Variants in SMYD3 observed in about 807,000 individuals in gnomAD.
SMYD3 encodes the protein SET and MYND domain containing 3.
SMYD3 carries 36 observed loss-of-function variants against 57.7 expected under a neutral mutation model. The observed-to-expected ratio is 0.62, with a 90% confidence interval of 0.48 to 0.82. SMYD3 has a LOEUF of 0.82. Among genes scored for constraint, SMYD3 ranks in the 40% least tolerant of loss-of-function variants. The pLI is 0.00. For missense variants in SMYD3, 515 were observed against 538.8 expected (o/e 0.96, Z 0.44); for synonymous variants, 211 against 195.0 (o/e 1.08, Z -0.68).
chr1:245,767,887 T>C (rs1176267034), intron 10 of SMYD3, among the ~76,000 whole-genome samples: 1 of 152,214 alleles, frequency 6.6e-6, no homozygotes, highest in Admixed American at 6.5e-5. Context: ...GAAGATATTT[T>C]ATCACAATAG....
At chr1:246,335,566 T>C in intron 2 of SMYD3, 92 bp from the exon 3 acceptor site, 1 of 915,708 alleles carries the variant, frequency 1.1e-6, no homozygotes, top group Non-Finnish European at 1.7e-6. Flanking sequence ...AAACATTAAA[T>C]TTTAATAGTC....
chr1:245,926,636 G>A (rs527725883), intron 7 of SMYD3, among the ~76,000 whole-genome samples: 3 of 152,344 alleles, frequency 2.0e-5, no homozygotes, highest in Non-Finnish European at 4.4e-5. Context: ...ACGGGAGAAT[G>A]ACTGGCAGCC....
chr1:246,183,078 C>T (rs1472442856), intron 5 of SMYD3, among the ~76,000 whole-genome samples: 1 of 152,024 alleles, frequency 6.6e-6, no homozygotes, highest in Non-Finnish European at 1.5e-5. Flanking sequence ...TATCTAAGGC[C>T]CCTTTAAATT....
intron 10 of SMYD3, among the ~76,000 whole-genome samples, chr1:245,796,472 T>A (rs1212988663): frequency 6.6e-6 from 1 of 152,122 alleles, no homozygotes; most frequent in Non-Finnish European, 1.5e-5. Context: ...TAAAGAACTG[T>A]CTATGATCAA....
chr1:246,092,635 C>A (rs2060842822), intron 5 of SMYD3, among the ~76,000 whole-genome samples: 1 of 152,102 alleles, frequency 6.6e-6, no homozygotes, highest in Non-Finnish European at 1.5e-5. Context: ...GACAAATGTA[C>A]AACCCAAAGC....
intron 1 of SMYD3, among the ~76,000 whole-genome samples, chr1:246,443,170 T>C (rs1263922231): frequency 1.3e-5 from 2 of 151,918 alleles, no homozygotes; most frequent in Non-Finnish European, 2.9e-5. Context: ...TTCCTCAACC[T>C]CCTCTTACCA....
chr1:246,165,091 C>T (rs778849554), intron 5 of SMYD3, among the ~76,000 whole-genome samples: 1 of 152,178 alleles, frequency 6.6e-6, no homozygotes, highest in Non-Finnish European at 1.5e-5. Flanking sequence ...CAGGGAAAAG[C>T]GTTCCCGAAA....
At chr1:246,461,733 C>A (rs374969318) in intron 1 of SMYD3, among the ~76,000 whole-genome samples, 513 of 122,640 alleles carry the variant, frequency 4.2e-3, no homozygotes, top group South Asian at 6.4e-3. Flanking sequence ...GACTCTGTCT[C>A]AAAAAAAAAA....
chr1:246,297,416 T>C (rs1480555260), intron 5 of SMYD3, among the ~76,000 whole-genome samples: 1 of 152,234 alleles, frequency 6.6e-6, no homozygotes, highest in Non-Finnish European at 1.5e-5. Context: ...AGTACGGTAG[T>C]AGAGGCAGCA....
chr1:246,403,366 C>T (rs2066805070), intron 1 of SMYD3, among the ~76,000 whole-genome samples: 1 of 152,034 alleles, frequency 6.6e-6, no homozygotes, highest in African/African-American at 2.4e-5. Flanking sequence ...GAAATGATGG[C>T]ACATGCCTGT....
At chr1:245,997,686 G>A (rs6693869) in intron 5 of SMYD3, among the ~76,000 whole-genome samples, 20,346 of 152,146 alleles carry the variant, frequency 0.13, 1,397 homozygotes, top group South Asian at 0.23. Flanking sequence ...ACCCACCATC[G>A]TGATTCCCAA....
At chr1:245,815,773 G>A (rs1389373618) in intron 10 of SMYD3, among the ~76,000 whole-genome samples, 1 of 152,206 alleles carries the variant, frequency 6.6e-6, no homozygotes, top group African/African-American at 2.4e-5. Context: ...ACCCCTAAGA[G>A]ACAGAAATGA....
chr1:246,110,763 C>T (rs1391735843), intron 5 of SMYD3, among the ~76,000 whole-genome samples: 1 of 152,216 alleles, frequency 6.6e-6, no homozygotes, highest in Non-Finnish European at 1.5e-5. Flanking sequence ...CATGGAGTTG[C>T]GCGCCTGCGC....
intron 1 of SMYD3, among the ~76,000 whole-genome samples, chr1:246,406,118 C>A (rs1026267195): frequency 6.6e-6 from 1 of 151,474 alleles, no homozygotes; most frequent in Admixed American, 6.6e-5. Flanking sequence ...ATAGAGACAG[C>A]GTTTTGCCAT....
chr1:246,229,586 T>C (rs1010795144), intron 5 of SMYD3, among the ~76,000 whole-genome samples: 4 of 152,216 alleles, frequency 2.6e-5, no homozygotes, highest in Non-Finnish European at 5.9e-5. Flanking sequence ...CTGGGTAATT[T>C]AGGATAAACA....
chr1:246,052,644 TTAAA>T (rs1482824381), intron 5 of SMYD3: 1 of 152,124 alleles, frequency 6.6e-6, no homozygotes, highest in Non-Finnish European at 1.5e-5. Flanking sequence ...AAAAATGTCT[TTAAA>T]TATTTATCTA....
intron 8 of SMYD3, among the ~76,000 whole-genome samples, chr1:245,897,135 G>A (rs1027802247): frequency 6.6e-6 from 1 of 152,164 alleles, no homozygotes; most frequent in African/African-American, 2.4e-5. Context: ...ACCAAAATAG[G>A]CAGAAATAAA....
chr1:246,269,959 A>T (rs2064188254), intron 5 of SMYD3, among the ~76,000 whole-genome samples: 1 of 152,192 alleles, frequency 6.6e-6, no homozygotes, highest in Non-Finnish European at 1.5e-5. Flanking sequence ...CTCCAACACC[A>T]GAGACAGAGT....
At chr1:245,751,630 G>C (rs775682428) in intron 11 of SMYD3, among the ~76,000 whole-genome samples, 5 of 151,596 alleles carry the variant, frequency 3.3e-5, no homozygotes, top group Non-Finnish European at 7.4e-5. Flanking sequence ...AAAAGAGAGA[G>C]AGAGAGAAAG....
Sources: gnomAD v4.1 joint callset for allele counts (sites outside exome capture counted in the v4.1 genomes callset) on GRCh38, gnomAD v4.1.1 for gene constraint, MANE v1.5 for transcripts, NCBI Gene and HGNC (gene_info 2026-07-23, HGNC 2026-07-21) for gene names.